The following RLF variants were observed in gnomAD, a reference collection of about 807,000 sequenced individuals.
RLF encodes the protein RLF zinc finger.
In RLF, 7 loss-of-function variants were observed where a neutral mutation model predicts 162.9. The observed-to-expected ratio is 0.04, with a 90% CI of 0.02 to 0.08. RLF has a LOEUF of 0.08. Among genes scored for constraint, RLF ranks in the 10% least tolerant of loss-of-function variants. The pLI is 1.00. For synonymous variants in RLF, 782 were observed against 791.5 expected, an observed-to-expected ratio of 0.99 and a Z score of 0.20; for missense variants, 1,664 against 2,244.7, an observed-to-expected ratio of 0.74 and a Z score of 5.23.
chr1:40,199,531 C>G (rs1231482589), intron 4 of RLF, among the ~76,000 whole-genome samples: 1 of 152,166 alleles, frequency 6.6e-6, no homozygotes, highest in South Asian at 2.1e-4. Context: ...AGCTGTGTGT[C>G]AGAATCAGGT....
chr1:40,163,566 AAG>A (rs1004976402), intron 1 of RLF, among the ~76,000 whole-genome samples: 1 of 152,208 alleles, frequency 6.6e-6, no homozygotes, highest in African/African-American at 2.4e-5. Flanking sequence ...GAATTTTTAA[AAG>A]AAAGCATGTG....
intron 5 of RLF, among the ~76,000 whole-genome samples, chr1:40,207,933 C>T (rs1642818213): frequency 6.6e-6 from 1 of 152,086 alleles, no homozygotes; most frequent in Admixed American, 6.6e-5. Flanking sequence ...TTAAGATGTA[C>T]TTATATCTAA....
rs576777003 is a variant in RLF at position 40,163,822 on chromosome 1, C to A, written c.237+2186C>A. On this transcript the variant is annotated intron_variant, in intron 1 of 7. Coordinates refer to ENST00000372771, the MANE Select transcript of RLF (RefSeq NM_012421.4). ...CTTTATCTCCTTATAATGCTTTATA[C>A]AATCAGAATAGAAAATTTGTGTACA... Among the ~76,000 whole-genome samples the A allele has an allele frequency of 5.3e-4, 81 of 152,256 alleles. 1 individual carries two copies. The highest frequency in any genetic ancestry group is 3.4e-3 in the Middle Eastern group (1 of 294).
chr1:40,183,938 G>A (rs1336270526), intron 1 of RLF, among the ~76,000 whole-genome samples: 1 of 152,168 alleles, frequency 6.6e-6, no homozygotes, highest in African/African-American at 2.4e-5. Context: ...CCTGAACTAT[G>A]TGAAATTTAA....
intron 6 of RLF, among the ~76,000 whole-genome samples, chr1:40,225,534 G>A (rs1243283079): frequency 4.8e-5 from 7 of 145,902 alleles, no homozygotes; most frequent in East Asian, 2.0e-4. Context: ...AGCTGAGATC[G>A]TGCCACTGCA....
chr1:40,184,588 A>G (rs1244041425), intron 1 of RLF, among the ~76,000 whole-genome samples: 1 of 152,196 alleles, frequency 6.6e-6, no homozygotes, highest in Non-Finnish European at 1.5e-5. Context: ...ATCCAGATGG[A>G]AATATGTAAT....
rs940251727 is a variant in RLF, at chr1:40,240,083, A to G, written c.5381A>G (p.Glu1794Gly). ...EDDFDDWEPS[E>G]HLTLSNSSQS... The stretch of plus-strand genomic sequence containing the variant: ...GATTTTGATGATTGGGAGCCTTCAG[A>G]GCACTTAACATTAAGTAATTCTTCA... Residue 1794 changes from glutamate to glycine, a missense_variant, in exon 8 of 8, where the codon GAG (glutamate) becomes GGG (glycine). Glu to Gly is a moderately conservative substitution (Grantham distance 98, BLOSUM62 -2). Around this residue, in one of 15 missense-constraint regions of RLF, gnomAD observed 327 missense variants for 342.7 expected, o/e 0.95. Coordinates refer to ENST00000372771, the MANE Select transcript of RLF (RefSeq NM_012421.4). The G allele has an allele frequency of 1.2e-6, 2 of 1,614,016 alleles. No individual in the cohort carries two copies. Among genetic ancestry groups the G allele is most frequent in the Non-Finnish European group, 1.7e-6 (2 of 1,179,974 alleles).
rs961679707 is a variant in RLF at position 40,240,896 on chromosome 1, T to C, written c.*449T>C. On this transcript the variant is annotated 3_prime_UTR_variant, in exon 8 of 8. Coordinates refer to ENST00000372771, the MANE Select transcript of RLF (RefSeq NM_012421.4). Reference sequence around the variant, plus strand: ...GCATCTTATATTTTTTGAGTTGAGTTTCAATAAATTACAATTTTTCACCCA... The same window carrying C: ...GCATCTTATATTTTTTGAGTTGAGTCTCAATAAATTACAATTTTTCACCCA... 2 of 153,346 alleles carry C rather than the reference T, an allele frequency of 1.3e-5. No individual in the cohort carries two copies. The highest frequency in any genetic ancestry group is 2.4e-5 in the African/African-American group (1 of 41,438). The allele number at this position is 153,346 out of a possible 1,614,324, so 9.5% of individuals were successfully genotyped here.
In RLF at chr1:40,178,634, T is replaced by TG. The variant is rs1380220718; in HGVS notation, c.238-10421_238-10420insG. Among the ~76,000 whole-genome samples, 61 of 145,976 alleles carry TG rather than the reference T, an allele frequency of 4.2e-4. No homozygotes were observed. In the East Asian group the frequency reaches 0.012, roughly 28 times the overall value. On this transcript the variant is annotated intron_variant, in intron 1 of 7. Transcript: ENST00000372771. ...TGTCTTTGGTGTTTTTTTTTTTTGT[T>TG]TTTTTTTTTTTTTTGGAGAGATGGG...
At chr1:40,203,733 CAT>C (rs755056576) in intron 5 of RLF, among the ~76,000 whole-genome samples, 2 of 152,228 alleles carry the variant, frequency 1.3e-5, no homozygotes, top group East Asian at 1.9e-4. Context: ...TCAATTCTGA[CAT>C]ATGGATTCTT....
At chr1:40,198,858 T>C (rs904969413) in intron 4 of RLF, among the ~76,000 whole-genome samples, 2 of 152,230 alleles carry the variant, frequency 1.3e-5, no homozygotes, top group Admixed American at 6.5e-5. Flanking sequence ...CATATTGTTT[T>C]AAATATTGAA....
chr1:40,207,649 C>T (rs889295198), intron 5 of RLF, among the ~76,000 whole-genome samples: 7 of 152,098 alleles, frequency 4.6e-5, no homozygotes, highest in East Asian at 1.9e-4. Context: ...GAGTCTCTGT[C>T]GCCCAGCCTG....
intron 5 of RLF, among the ~76,000 whole-genome samples, chr1:40,214,035 T>G (rs551396842): frequency 6.6e-6 from 1 of 152,390 alleles, no homozygotes; most frequent in South Asian, 2.1e-4. Context: ...TTTTCCTAAT[T>G]TGTTTTCTGC....
At position 40,237,804 on chromosome 1, in the gene RLF, A is replaced by G; in HGVS notation, c.3102A>G (p.Lys1034=). 1.2e-6 allele frequency: 2 copies of G among 1,614,186 alleles called. No individual in the cohort carries two copies. The highest frequency in any genetic ancestry group is 1.7e-6 in the Non-Finnish European group (2 of 1,180,002). The part of the protein sequence containing the change: ...DEGLDHNIHI[K]CKREHQGYSS... ...GTCTAGATCACAATATTCACATTAA[A>G]TGTAAACGAGAACATCAAGGTTATT... Residue 1034 remains lysine, a synonymous_variant, in exon 8 of 8, where the codon AAA becomes AAG. Coordinates refer to ENST00000372771, the MANE Select transcript of RLF (RefSeq NM_012421.4). The surrounding 1 kb of genome is among the most constrained non-coding windows in gnomAD (Gnocchi z 4.4).
intron 5 of RLF, among the ~76,000 whole-genome samples, chr1:40,204,577 A>AT (rs1233116198): frequency 1.3e-5 from 2 of 149,934 alleles, no homozygotes; most frequent in Non-Finnish European, 2.9e-5. Flanking sequence ...CGATTAATTT[A>AT]TTTTTTATTT....
chr1:40,198,092 C>T (rs1305485502), intron 4 of RLF, among the ~76,000 whole-genome samples: 2 of 152,024 alleles, frequency 1.3e-5, no homozygotes, highest in African/African-American at 4.8e-5. Context: ...CAACCTCTGC[C>T]TCCGGGGTTT....
chr1:40,189,947 T>C (rs1325546153), intron 2 of RLF, among the ~76,000 whole-genome samples: 1 of 152,248 alleles, frequency 6.6e-6, no homozygotes, highest in Non-Finnish European at 1.5e-5. Flanking sequence ...ATCACCTTGT[T>C]CAACTTACAG....
chr1:40,178,253 C>G (rs1194788030), intron 1 of RLF, among the ~76,000 whole-genome samples: 2 of 152,040 alleles, frequency 1.3e-5, no homozygotes, highest in Admixed American at 1.3e-4. Context: ...ATTCTGGATT[C>G]TATTCTGTTT....
At chr1:40,234,553 T>C (rs1253374164) in intron 7 of RLF, among the ~76,000 whole-genome samples, 1 of 152,254 alleles carries the variant, frequency 6.6e-6, no homozygotes, top group Non-Finnish European at 1.5e-5. Flanking sequence ...ATAGTTACAA[T>C]GTGCCAGCGT....
Sources: gnomAD v4.1 joint callset for allele counts (sites outside exome capture counted in the v4.1 genomes callset) on GRCh38, gnomAD v4.1.1 for gene constraint, gnomAD v4.1.1 regional missense constraint, Gnocchi (gnomAD v3.1) non-coding constraint, MANE v1.5 for transcripts, NCBI Gene and HGNC (gene_info 2026-07-23, HGNC 2026-07-21) for gene names.